AHI1: variants seen among roughly 807,000 people sequenced by gnomAD.
AHI1 encodes the protein Abelson helper integration site 1, also known as jouberin.
AHI1 carries 123 observed loss-of-function variants against 149.3 expected under a neutral mutation model. The ratio of observed to expected loss-of-function variants is 0.82; its 90% CI spans 0.71 to 0.96. AHI1 has a LOEUF of 0.96. Among genes scored for constraint, AHI1 ranks in the 40% least tolerant of loss-of-function variants. The pLI, the probability that AHI1 is intolerant of heterozygous loss-of-function variation, is 0.00. For missense variants in AHI1, 1,439 were observed against 1,422.7 expected (o/e 1.01, Z -0.18); for synonymous variants, 475 against 459.8 (o/e 1.03, Z -0.42).
chr6:135,296,606 CA>C (rs985176001), intron 27 of AHI1, among the ~76,000 whole-genome samples: 2 of 152,212 alleles, frequency 1.3e-5, no homozygotes, highest in African/African-American at 4.8e-5. Context: ...TCACATTACT[CA>C]ATTCCCTGCC....
chr6:135,287,217 C>T (rs1278893209), intron 28 of AHI1, among the ~76,000 whole-genome samples: 1 of 152,098 alleles, frequency 6.6e-6, no homozygotes, highest in Non-Finnish European at 1.5e-5. Context: ...TGAAATCAAT[C>T]AGGTGGTGAC....
At position 135,415,604 on chromosome 6, in the gene AHI1, C is replaced by T. The variant is rs6937956; in HGVS notation, c.2765-4060G>A. Among the ~76,000 whole-genome samples, 911 of 152,292 alleles carry T rather than the reference C, an allele frequency of 6.0e-3. 14 individuals are homozygous for T. Among genetic ancestry groups the T allele is most frequent in the African/African-American group, 0.02 (841 of 41,572 alleles). ...ACTTTAAAAAATAGTCTGGCAGCTT[C>T]TTAAGAAGTCAAACATACATCTGCA... is the stretch of plus-strand genomic sequence containing the variant. On this transcript the variant is annotated intron_variant, in intron 20 of 28. Transcript: ENST00000265602.
chr6:135,466,461 T>C, intron 6 of AHI1, 88 bp from the exon 7 acceptor site: 1 of 1,180,600 alleles, frequency 8.5e-7, no homozygotes, highest in South Asian at 1.5e-5. Flanking sequence ...TTTGACAATG[T>C]GGAATTATTG....
At chr6:135,331,875 G>A (rs1022197808) in intron 24 of AHI1, among the ~76,000 whole-genome samples, 6 of 151,980 alleles carry the variant, frequency 3.9e-5, no homozygotes, top group African/African-American at 1.2e-4. Context: ...TTCAGACTCC[G>A]GGCTTCCAGA....
chr6:135,405,730 C>T (rs1178772685), intron 21 of AHI1, among the ~76,000 whole-genome samples: 2 of 151,492 alleles, frequency 1.3e-5, no homozygotes, highest in Non-Finnish European at 2.9e-5. Flanking sequence ...CGTTGTGGCG[C>T]GTACCTGTAG....
chr6:135,393,260 T>C (rs1583002454), intron 23 of AHI1, among the ~76,000 whole-genome samples: 1 of 152,062 alleles, frequency 6.6e-6, no homozygotes, highest in Admixed American at 6.6e-5. Context: ...CTCTGCTCTT[T>C]CCCTTTACAA....
In AHI1 at chr6:135,290,428, T is replaced by C. The variant is rs776098993; in HGVS notation, c.3583A>G (p.Ile1195Val). ...NKQAGRKVTLIE is the reference protein window; with the variant it reads ...NKQAGRKVTLVE ...TCTATTGGTTTTCCCCTTACCTCTA[T>C]TAGAGTGACTTTTCTGCCTGCTTGC... is the stretch of plus-strand genomic sequence containing the variant. Residue 1195 changes from isoleucine to valine, a missense_variant, in exon 28 of 29, where the codon ATA becomes GTA. Transcript: ENST00000265602. 73 of 1,557,996 alleles carry C rather than the reference T, an allele frequency of 4.7e-5. No individual in the cohort carries two copies. Among genetic ancestry groups the C allele is most frequent in the Non-Finnish European group, 6.2e-5 (70 of 1,128,760 alleles).
chr6:135,385,580 C>T (rs547857929), intron 23 of AHI1, among the ~76,000 whole-genome samples: 25 of 152,132 alleles, frequency 1.6e-4, no homozygotes, highest in African/African-American at 5.5e-4. Context: ...AGACGGAAAA[C>T]GATTAGAAAC....
chr6:135,408,137 A>G (rs986302329), intron 21 of AHI1, among the ~76,000 whole-genome samples: 2 of 152,182 alleles, frequency 1.3e-5, no homozygotes, highest in Admixed American at 1.3e-4. Flanking sequence ...ATAAAATGAA[A>G]TTAGAAAAAA....
chr6:135,448,402 G>A lies in AHI1; in HGVS notation c.1514C>T (p.Pro505Leu). 1 of 1,604,378 alleles carries A rather than the reference G, an allele frequency of 6.2e-7. No individual in the cohort carries two copies. The highest frequency in any genetic ancestry group is 8.5e-7 in the Non-Finnish European group (1 of 1,173,668). The change falls in exon 12 of 29, where the codon CCT becomes CTT. Residue 505 changes from proline to leucine, a missense_variant. Coordinates refer to ENST00000265602, the MANE Select transcript of AHI1 (RefSeq NM_001134831.2). ...RLQLYYPPTKPRSPLSVVEAF... is the reference protein window; with the variant it reads ...RLQLYYPPTKLRSPLSVVEAF... ...CTCAACAACACTTAATGGGGATCGAGGCTTAGTAGGTGGGTAATATAGCTG... is the reference window on the plus strand; with the variant it reads ...CTCAACAACACTTAATGGGGATCGAAGCTTAGTAGGTGGGTAATATAGCTG...
intron 24 of AHI1, among the ~76,000 whole-genome samples, chr6:135,352,369 T>A (rs1283862289): frequency 6.6e-6 from 1 of 152,152 alleles, no homozygotes; most frequent in East Asian, 1.9e-4. Context: ...ATCTATAAAC[T>A]GTGTGTACAC....
intron 12 of AHI1, 122 bp from the exon 13 acceptor site, chr6:135,447,282 A>G (rs1243610717): frequency 1.4e-6 from 1 of 703,966 alleles, no homozygotes; most frequent in Non-Finnish European, 2.0e-6. Context: ...TAATCCAGAA[A>G]AAAATTCTAC....
intron 26 of AHI1, among the ~76,000 whole-genome samples, chr6:135,310,645 G>T (rs1785072671): frequency 6.6e-6 from 1 of 152,164 alleles, no homozygotes; most frequent in African/African-American, 2.4e-5. Flanking sequence ...AGCTATAATA[G>T]ATATTTTTAT....
chr6:135,334,022 T>G (rs929939406), intron 24 of AHI1, among the ~76,000 whole-genome samples: 22 of 152,228 alleles, frequency 1.4e-4, no homozygotes, highest in African/African-American at 4.6e-4. Context: ...AGCCTCTTAG[T>G]AATATTAGAC....
chr6:135,479,977 C>G (rs547729943), intron 5 of AHI1, among the ~76,000 whole-genome samples: 1 of 152,200 alleles, frequency 6.6e-6, no homozygotes, highest in Non-Finnish European at 1.5e-5. Flanking sequence ...ACTGTGCCTG[C>G]TTCCCATTCC....
At chr6:135,324,885 G>A (rs981881420) in intron 24 of AHI1, among the ~76,000 whole-genome samples, 1 of 152,122 alleles carries the variant, frequency 6.6e-6, no homozygotes, top group Admixed American at 6.5e-5. Context: ...GAATGAGTTT[G>A]GACTTAACTG....
Position 135,360,493 on chromosome 6 carries a change from C to G in AHI1, c.3110-2306G>C, listed in dbSNP as rs185523992. Among the ~76,000 whole-genome samples the G allele has an allele frequency of 2.4e-3, 371 of 152,290 alleles. 4 individuals are homozygous for G. The highest frequency in any genetic ancestry group is 8.4e-3 in the African/African-American group (348 of 41,550). On this transcript the variant is annotated intron_variant, in intron 23 of 28. Coordinates refer to ENST00000265602, the MANE Select transcript of AHI1 (RefSeq NM_001134831.2). ...AACTGCAACTCTTTCCTACGTCTCC[C>G]TCCTGTTGGCCTAGCCTGCAGATTT...
rs375643798 is a variant in AHI1 at position 135,433,090 on chromosome 6, T to C, written c.2203A>G (p.Ile735Val). 50 of 1,613,646 alleles carry C rather than the reference T, an allele frequency of 3.1e-5. No homozygotes were observed. The African/African-American group carries it at 5.9e-4, about 19-fold the overall frequency. ...TGAACATCAAACTGTCGGACCAATA[T>C]GGCAGAATCTTCTCTCATCTCAACT... is the stretch of plus-strand genomic sequence containing the variant. ...WKVEMREDSA[I>V]LVRQFDVHKS... Residue 735 changes from isoleucine to valine, a missense_variant, in exon 16 of 29, where the codon ATA becomes GTA. Coordinates refer to ENST00000265602, the MANE Select transcript of AHI1 (RefSeq NM_001134831.2).
At chr6:135,352,817 T>C (rs1428190858) in intron 24 of AHI1, among the ~76,000 whole-genome samples, 1 of 150,164 alleles carries the variant, frequency 6.7e-6, no homozygotes, top group Admixed American at 6.6e-5. Context: ...GTGGGTTTTT[T>C]TTTTTTTTGG....
Sources: allele counts gnomAD v4.1 joint callset (sites outside exome capture counted in the v4.1 genomes callset), GRCh38; gene constraint gnomAD v4.1.1; transcripts MANE v1.5; gene names NCBI Gene and HGNC (gene_info 2026-07-23, HGNC 2026-07-21).